Variants in INSYN2B observed in about 807,000 individuals in gnomAD.
The protein encoded by INSYN2B is protein INSYN2B.
A neutral mutation model predicts 41.2 loss-of-function variants in INSYN2B; 16 were observed. The ratio of observed to expected loss-of-function variants is 0.39; its 90% CI spans 0.26 to 0.59. INSYN2B has a LOEUF of 0.59. Among genes scored for constraint, INSYN2B ranks in the 20% least tolerant of loss-of-function variants. The pLI is 0.57. For missense variants in INSYN2B, 608 were observed against 646.4 expected (o/e 0.94, Z 0.64); for synonymous variants, 245 against 244.4 (o/e 1.00, Z -0.02).
intron 3 of INSYN2B, 25 bp downstream of exon 3, chr5:169,881,343 G>A (rs1772635627): frequency 5.8e-6 from 9 of 1,543,604 alleles, no homozygotes; most frequent in Admixed American, 2.0e-5. Context: ...GGTCTACAGA[G>A]CAGGCCTCGC....
In INSYN2B at chr5:169,912,479, A is replaced by T. The variant is rs374092599; in HGVS notation, c.-918-27663T>A. Among the ~76,000 whole-genome samples the T allele has an allele frequency of 3.9e-5, 6 of 152,274 alleles. No individual in the cohort carries two copies. The East Asian group carries it at 1.2e-3, about 29-fold the overall frequency. ...TTGGCACGTGTATGTGTGTGTGCAC[A>T]TATGTGTTTTCTTAGGGTCTTATTG... On this transcript the variant is annotated intron_variant, in intron 1 of 3. Transcript: ENST00000377365.
chr5:169,892,802 T>C (rs1773372854), intron 1 of INSYN2B, among the ~76,000 whole-genome samples: 1 of 152,224 alleles, frequency 6.6e-6, no homozygotes, highest in Admixed American at 6.5e-5. Context: ...ATGACCAGCC[T>C]AAGACATGAA....
At chr5:169,909,409 C>G (rs1418802354) in intron 1 of INSYN2B, among the ~76,000 whole-genome samples, 1 of 152,014 alleles carries the variant, frequency 6.6e-6, no homozygotes, top group Non-Finnish European at 1.5e-5. Flanking sequence ...AAGATGCTAT[C>G]CAATTTGCAA....
At chr5:169,891,958 T>G (rs1423215947) in intron 1 of INSYN2B, among the ~76,000 whole-genome samples, 1 of 143,972 alleles carries the variant, frequency 6.9e-6, no homozygotes, top group South Asian at 2.1e-4. Flanking sequence ...ATTGTGCCAT[T>G]GCACTCCAGC....
intron 1 of INSYN2B, among the ~76,000 whole-genome samples, chr5:169,925,579 T>TA (rs34833916): frequency 0.081 from 6,453 of 79,684 alleles, 545 homozygotes; most frequent in Middle Eastern, 0.13. Flanking sequence ...GACTCTGTCT[T>TA]AAAAAAAAAA....
chr5:169,894,509 T>C (rs547896169), intron 1 of INSYN2B, among the ~76,000 whole-genome samples: 1 of 152,172 alleles, frequency 6.6e-6, no homozygotes, highest in Non-Finnish European at 1.5e-5. Context: ...CAATGAAGGT[T>C]TTCCCACTTC....
At chr5:169,930,226 G>A (rs1481743160) in intron 1 of INSYN2B, among the ~76,000 whole-genome samples, 1 of 152,156 alleles carries the variant, frequency 6.6e-6, no homozygotes, top group African/African-American at 2.4e-5. Context: ...TCCTGACCTT[G>A]TGATCCGCCT....
At chr5:169,887,258 T>C (rs188129011) in intron 1 of INSYN2B, among the ~76,000 whole-genome samples, 1 of 152,364 alleles carries the variant, frequency 6.6e-6, no homozygotes, top group East Asian at 1.9e-4. Flanking sequence ...AGGAAGTTTA[T>C]GTATCCTTTA....
Position 169,883,728 on chromosome 5 carries a change from T to C in INSYN2B, c.171A>G (p.Gln57=), listed in dbSNP as rs544181902. The C allele has an allele frequency of 3.2e-6, 5 of 1,551,566 alleles. No individual in the cohort carries two copies. Among genetic ancestry groups the C allele is most frequent in the African/African-American group, 1.4e-5 (1 of 73,142 alleles). The change falls in exon 2 of 4, where the codon CAA becomes CAG. Residue 57 remains glutamine, a synonymous_variant. Transcript: ENST00000377365. ...CCATCACAGCCGGGTCTTCTGGAGT[T>C]TGGACGTCAACCTCAGCTAGGCCAG... is the stretch of plus-strand genomic sequence containing the variant. ...NPTGLAEVDV[Q]TPEDPAVMGK... is the part of the protein sequence containing the mutation.
chr5:169,898,775 C>T (rs1473035884), intron 1 of INSYN2B, among the ~76,000 whole-genome samples: 1 of 152,110 alleles, frequency 6.6e-6, no homozygotes, highest in African/African-American at 2.4e-5. Context: ...TGTAAATGAA[C>T]AAGCATAGTG....
intron 3 of INSYN2B, among the ~76,000 whole-genome samples, chr5:169,871,442 A>T (rs767217896): frequency 1.3e-5 from 2 of 152,214 alleles, no homozygotes; most frequent in Non-Finnish European, 2.9e-5. Context: ...TGTGCTAGAC[A>T]CTATGCTACA....
intron 1 of INSYN2B, among the ~76,000 whole-genome samples, chr5:169,913,037 A>G (rs1774695137): frequency 6.6e-6 from 1 of 152,130 alleles, no homozygotes; most frequent in African/African-American, 2.4e-5. Flanking sequence ...CCTTCTCCAC[A>G]CTCATTAGAC....
At chr5:169,872,496 T>C (rs1772043235) in intron 3 of INSYN2B, among the ~76,000 whole-genome samples, 2 of 152,202 alleles carry the variant, frequency 1.3e-5, no homozygotes, top group East Asian at 1.9e-4. Flanking sequence ...AATTGGCAAG[T>C]CTACCCCTTC....
chr5:169,871,772 C>T (rs1771992543), intron 3 of INSYN2B, among the ~76,000 whole-genome samples: 1 of 152,160 alleles, frequency 6.6e-6, no homozygotes, highest in Non-Finnish European at 1.5e-5. Flanking sequence ...TGGAACCAGA[C>T]CTAAACTAGG....
intron 1 of INSYN2B, among the ~76,000 whole-genome samples, chr5:169,933,996 G>A (rs1393968111): frequency 6.6e-6 from 1 of 152,136 alleles, no homozygotes; most frequent in Non-Finnish European, 1.5e-5. Flanking sequence ...GGCATCTATT[G>A]CTAATGTTAG....
chr5:169,978,328 G>A (rs1777793259), intron 1 of INSYN2B, among the ~76,000 whole-genome samples: 1 of 130,226 alleles, frequency 7.7e-6, no homozygotes, highest in African/African-American at 3.0e-5. Context: ...CAAACTGGTA[G>A]CCTTTCCCTC....
intron 1 of INSYN2B, chr5:169,934,778 T>A (rs892442246): frequency 2.2e-6 from 1 of 450,710 alleles, no homozygotes; most frequent in Non-Finnish European, 4.5e-6. Context: ...TATCATGCAA[T>A]CCTTATTGTT....
chr5:169,888,516 T>C (rs1773102585), intron 1 of INSYN2B, among the ~76,000 whole-genome samples: 1 of 152,218 alleles, frequency 6.6e-6, no homozygotes, highest in Admixed American at 6.5e-5. Context: ...TCAGTGTCCA[T>C]TCAGTAGATA....
At chr5:169,871,701 G>A (rs1771985706) in intron 3 of INSYN2B, among the ~76,000 whole-genome samples, 1 of 152,196 alleles carries the variant, frequency 6.6e-6, no homozygotes, top group Non-Finnish European at 1.5e-5. Flanking sequence ...AATATGTAGG[G>A]TGGTGGGGGT....
Sources: allele counts gnomAD v4.1 joint callset (sites outside exome capture counted in the v4.1 genomes callset), GRCh38; gene constraint gnomAD v4.1.1; transcripts MANE v1.5; gene names NCBI Gene and HGNC (gene_info 2026-07-23, HGNC 2026-07-21).